Variants in RASSF3 observed in about 807,000 individuals in gnomAD.
The protein encoded by RASSF3 is ras association domain-containing protein 3.
RASSF3 carries 19 observed loss-of-function variants against 19.9 expected under a neutral mutation model. The observed-to-expected ratio is 0.96, with a 90% confidence interval of 0.67 to 1.40. RASSF3 has a LOEUF of 1.40. Ranked by LOEUF, RASSF3 falls within the 40% of genes most tolerant of loss-of-function variation. The pLI is 0.00. For missense variants in RASSF3, 306 were observed against 289.8 expected (o/e 1.06, Z -0.41); for synonymous variants, 110 against 104.2 (o/e 1.06, Z -0.34).
chr12:64,683,921 A>G (rs952638369), intron 1 of RASSF3, among the ~76,000 whole-genome samples: 2 of 151,296 alleles, frequency 1.3e-5, no homozygotes, highest in African/African-American at 4.9e-5. Flanking sequence ...AAGAATGAGA[A>G]CCGTAATTGG....
At chr12:64,602,025 G>C (rs1870100936) in intron 2 of RASSF3, among the ~76,000 whole-genome samples, 1 of 151,722 alleles carries the variant, frequency 6.6e-6, no homozygotes, top group African/African-American at 2.4e-5. Flanking sequence ...GCTGAGGCGG[G>C]AGAATGGGGT....
chr12:64,650,442 T>C (rs987703644), intron 1 of RASSF3, among the ~76,000 whole-genome samples: 1 of 123,106 alleles, frequency 8.1e-6, no homozygotes, highest in African/African-American at 3.3e-5. Flanking sequence ...TGAGACAGAG[T>C]CTTGCACTGT....
chr12:64,620,155 G>A (rs1031854616), intron 1 of RASSF3, among the ~76,000 whole-genome samples: 1 of 151,890 alleles, frequency 6.6e-6, no homozygotes, highest in South Asian at 2.1e-4. Context: ...GCGTATATAG[G>A]TTCGTCTGAC....
intron 1 of RASSF3, among the ~76,000 whole-genome samples, chr12:64,628,717 G>A (rs564438830): frequency 6.6e-6 from 1 of 152,114 alleles, no homozygotes; most frequent in South Asian, 2.1e-4. Context: ...TGCTGGTCTT[G>A]AACTCGTGAC....
intron 1 of RASSF3, among the ~76,000 whole-genome samples, chr12:64,624,083 T>C (rs1870896655): frequency 6.6e-6 from 1 of 151,992 alleles, no homozygotes; most frequent in Admixed American, 6.5e-5. Flanking sequence ...ATGGTCTCTG[T>C]ATCCAAATTA....
At chr12:64,691,219 A>G (rs1175330132) in intron 3 of RASSF3, among the ~76,000 whole-genome samples, 1 of 152,330 alleles carries the variant, frequency 6.6e-6, no homozygotes, top group Non-Finnish European at 1.5e-5. Flanking sequence ...TTTGGGACTA[A>G]TATCTATTAA....
intron 1 of RASSF3, chr12:64,628,515 G>C (rs541997545): frequency 4.6e-5 from 7 of 151,694 alleles, no homozygotes; most frequent in African/African-American, 1.4e-4. Context: ...CCTTTTTTTT[G>C]ACATGGAGTC....
intron 2 of RASSF3, among the ~76,000 whole-genome samples, chr12:64,602,506 G>A (rs1354469535): frequency 2.0e-5 from 3 of 151,612 alleles, no homozygotes; most frequent in East Asian, 3.9e-4. Flanking sequence ...GCTTGAACCC[G>A]GGAGGCGGAG....
At chr12:64,657,336 G>C (rs901066266) in intron 1 of RASSF3, among the ~76,000 whole-genome samples, 1 of 152,170 alleles carries the variant, frequency 6.6e-6, no homozygotes, top group African/African-American at 2.4e-5. Flanking sequence ...AGGTGAAAAA[G>C]TTCTGGAGAT....
At position 64,678,577 on chromosome 12, in the gene RASSF3, T is replaced by C. The variant is rs144175268; in HGVS notation, c.112-6210T>C. ...TCAATCAGAGCATCTGTGCTATTAATATTTGCTCTTTTTTGTTTGTTTGTT... is the reference window on the plus strand; with the variant it reads ...TCAATCAGAGCATCTGTGCTATTAACATTTGCTCTTTTTTGTTTGTTTGTT... On this transcript the variant is annotated intron_variant, in intron 1 of 4. Transcript: ENST00000542104. Among the ~76,000 whole-genome samples, 123 of 151,042 alleles carry C rather than the reference T, an allele frequency of 8.1e-4. 1 individual carries two copies. Among genetic ancestry groups the C allele is most frequent in the African/African-American group, 2.9e-3 (119 of 41,160 alleles).
In RASSF3 at chr12:64,684,855, A is replaced by C; in HGVS notation, c.180A>C (p.Lys60Asn). The C allele has an allele frequency of 6.2e-7, 1 of 1,613,644 alleles. No homozygotes were observed. The highest frequency in any genetic ancestry group is 1.7e-4 in the Middle Eastern group (1 of 6,060). Residue 60 changes from lysine to asparagine, a missense_variant, in exon 2 of 5, where the codon AAA becomes AAC. Coordinates refer to ENST00000542104, the MANE Select transcript of RASSF3 (RefSeq NM_178169.4). ...AGGAGATCAAAGAGAAAGTTCATAA[A>C]TACAACTTAGCAGTCACAGACAAGT... ...SKEEIKEKVH[K>N]YNLAVTDKLK...
At chr12:64,586,547 T>C (rs1172786303) in intron 2 of RASSF3, among the ~76,000 whole-genome samples, 3 of 148,570 alleles carry the variant, frequency 2.0e-5, no homozygotes, top group Non-Finnish European at 3.0e-5. Flanking sequence ...CATAAATTCA[T>C]TCTCCAGAGA....
chr12:64,563,286 C>A (rs1869378681), intron 2 of RASSF3, among the ~76,000 whole-genome samples: 1 of 152,010 alleles, frequency 6.6e-6, no homozygotes, highest in Non-Finnish European at 1.5e-5. Flanking sequence ...CCTGCCTCAG[C>A]CTCCCAAGTA....
intron 1 of RASSF3, among the ~76,000 whole-genome samples, chr12:64,524,218 TTTTATTTATTTATTTA>T (rs59842662): frequency 0.012 from 1,678 of 137,862 alleles, 28 homozygotes; most frequent in Non-Finnish European, 0.014. Flanking sequence ...TGCCCGGCAA[TTTTATTTATTTATTTA>T]TTTATTTATT....
At chr12:64,636,162 G>A (rs1024301242) in intron 1 of RASSF3, among the ~76,000 whole-genome samples, 4 of 151,608 alleles carry the variant, frequency 2.6e-5, no homozygotes, top group Non-Finnish European at 1.5e-5. Flanking sequence ...TGTTGCCCAG[G>A]TTAGAGTGCA....
chr12:64,652,077 G>C (rs960759679), intron 1 of RASSF3, among the ~76,000 whole-genome samples: 19 of 152,096 alleles, frequency 1.2e-4, no homozygotes. Flanking sequence ...CAGACTAGTT[G>C]GTGTTAAGGT....
intron 1 of RASSF3, among the ~76,000 whole-genome samples, chr12:64,511,992 T>C (rs1402463156): frequency 2.6e-5 from 4 of 152,146 alleles, no homozygotes; most frequent in Non-Finnish European, 4.4e-5. Context: ...AGGAGGCAGA[T>C]GTAAGCACAT....
chr12:64,676,813 G>A (rs1872924274), intron 1 of RASSF3, among the ~76,000 whole-genome samples: 2 of 151,192 alleles, frequency 1.3e-5, no homozygotes, highest in South Asian at 4.2e-4. Flanking sequence ...GTGTTGCCCA[G>A]GCTGGAGTGC....
At chr12:64,642,557 CTCAAAAAAA>C (rs1871575062) in intron 1 of RASSF3, among the ~76,000 whole-genome samples, 1 of 47,604 alleles carries the variant, frequency 2.1e-5, no homozygotes, top group African/African-American at 1.0e-4. Context: ...GAGACTCCAT[CTCAAAAAAA>C]AAAAAAAAAA....
Sources: allele counts gnomAD v4.1 joint callset (sites outside exome capture counted in the v4.1 genomes callset), GRCh38; gene constraint gnomAD v4.1.1; transcripts MANE v1.5; gene names NCBI Gene and HGNC (gene_info 2026-07-23, HGNC 2026-07-21).